The following RIN2 variants were observed in gnomAD, a reference collection of about 807,000 sequenced individuals.
RIN2 encodes the protein Ras and Rab interactor 2.
A neutral mutation model predicts 78.0 loss-of-function variants in RIN2; 36 were observed. That is an observed-to-expected ratio of 0.46 (90% CI 0.35 to 0.61). The LOEUF is 0.61. Among genes scored for constraint, RIN2 ranks in the 20% least tolerant of loss-of-function variants. The pLI, the probability that RIN2 is intolerant of heterozygous loss-of-function variation, is 0.00. For synonymous variants in RIN2, 466 were observed against 466.8 expected (o/e 1.00, Z 0.02); for missense variants, 1,087 against 1,159.7 (o/e 0.94, Z 0.91).
intron 3 of RIN2, among the ~76,000 whole-genome samples, chr20:19,906,626 G>A (rs977992733): frequency 1.3e-5 from 2 of 152,098 alleles, no homozygotes; most frequent in Admixed American, 1.3e-4. Context: ...TGGGGTCTGC[G>A]GCCATCTGGA....
At chr20:19,793,193 A>T (rs1010806833) in intron 1 of RIN2, among the ~76,000 whole-genome samples, 1 of 152,228 alleles carries the variant, frequency 6.6e-6, no homozygotes, top group Non-Finnish European at 1.5e-5. Context: ...TAATTTTAAT[A>T]AGATATCGTA....
At chr20:19,872,303 TG>T (rs1165280275) in intron 2 of RIN2, 1 of 152,198 alleles carries the variant, frequency 6.6e-6, no homozygotes, top group Non-Finnish European at 1.5e-5. Context: ...CAGGAAGTTC[TG>T]TATAATAGTG....
chr20:19,961,637 A>G (rs991284363), intron 6 of RIN2, among the ~76,000 whole-genome samples: 59 of 149,802 alleles, frequency 3.9e-4, no homozygotes, highest in African/African-American at 1.3e-3. Flanking sequence ...ATGAAGGTCA[A>G]TTTCAGGGCC....
intron 3 of RIN2, among the ~76,000 whole-genome samples, chr20:19,930,103 G>A (rs1441042478): frequency 6.6e-6 from 1 of 151,976 alleles, no homozygotes; most frequent in East Asian, 1.9e-4. Context: ...GGGGCTGGGG[G>A]GGATGCGAGG....
intron 3 of RIN2, among the ~76,000 whole-genome samples, chr20:19,914,016 G>A (rs1402092515): frequency 6.6e-6 from 1 of 152,210 alleles, no homozygotes; most frequent in African/African-American, 2.4e-5. Flanking sequence ...GTGATGGGGT[G>A]CGTGTGAAGT....
chr20:19,778,650 C>A (rs2034394649), intron 1 of RIN2, among the ~76,000 whole-genome samples: 1 of 152,204 alleles, frequency 6.6e-6, no homozygotes, highest in Non-Finnish European at 1.5e-5. Flanking sequence ...TAGCTTGGAG[C>A]AGACGCTGGG....
chr20:19,885,043 T>C (rs1169010997), intron 2 of RIN2, among the ~76,000 whole-genome samples: 1 of 152,310 alleles, frequency 6.6e-6, no homozygotes, highest in East Asian at 1.9e-4. Context: ...AAAGAAAAAC[T>C]GAAGGTTGTG....
At chr20:19,875,912 C>T (rs994397427) in intron 2 of RIN2, among the ~76,000 whole-genome samples, 4 of 152,168 alleles carry the variant, frequency 2.6e-5, no homozygotes, top group African/African-American at 4.8e-5. Context: ...AGATGAGTGA[C>T]GTTTCAGCCA....
intron 2 of RIN2, among the ~76,000 whole-genome samples, chr20:19,841,211 G>A (rs1331696243): frequency 2.0e-5 from 3 of 151,896 alleles, no homozygotes; most frequent in Non-Finnish European, 4.4e-5. Context: ...GCCTCCCAAG[G>A]ACAGTAAAAT....
intron 3 of RIN2, among the ~76,000 whole-genome samples, chr20:19,894,013 A>G (rs2038605122): frequency 6.6e-6 from 1 of 152,156 alleles, no homozygotes; most frequent in African/African-American, 2.4e-5. Flanking sequence ...TGGAGGTTGC[A>G]CTGAGCCAAG....
chr20:19,888,189 GAC>G (rs950201170), intron 2 of RIN2, among the ~76,000 whole-genome samples: 2 of 152,136 alleles, frequency 1.3e-5, no homozygotes, highest in African/African-American at 4.8e-5. Flanking sequence ...ACGGAGCACT[GAC>G]ACAAAGAGAC....
intron 7 of RIN2, among the ~76,000 whole-genome samples, chr20:19,968,946 C>G (rs1302056104): frequency 6.6e-6 from 1 of 152,040 alleles, no homozygotes; most frequent in African/African-American, 2.4e-5. Context: ...CAAACAGACA[C>G]AAGTGGCCAA....
intron 2 of RIN2, among the ~76,000 whole-genome samples, chr20:19,844,593 GCTTCTTCCTCTTCTTCTTCTTCTTCTT>G (rs1402270361): frequency 3.1e-5 from 2 of 64,066 alleles, no homozygotes; most frequent in African/African-American, 5.1e-5. Context: ...TGCTGCTGCT[GCTTCTTCCTCTTCTTCTTCTTCTTCTT>G]CTTCTTCTTC....
chr20:19,971,049 T>C, intron 8 of RIN2, 120 bp downstream of exon 8: 1 of 722,250 alleles, frequency 1.4e-6, no homozygotes, highest in Non-Finnish European at 2.3e-6. Context: ...TCAGTGAGTT[T>C]GGGCTATCCA....
intron 3 of RIN2, among the ~76,000 whole-genome samples, chr20:19,916,875 T>C (rs1261682983): frequency 1.3e-5 from 2 of 152,128 alleles, no homozygotes; most frequent in East Asian, 3.9e-4. Flanking sequence ...TGGAAACCAC[T>C]TGGGGAGATG....
chr20:19,908,632 A>C (rs2039329153), intron 3 of RIN2, among the ~76,000 whole-genome samples: 1 of 152,240 alleles, frequency 6.6e-6, no homozygotes, highest in South Asian at 2.1e-4. Context: ...AAATTCAAGT[A>C]ACCCCAAAAC....
At chr20:19,893,125 T>C (rs6106151) in intron 3 of RIN2, among the ~76,000 whole-genome samples, 7,603 of 152,266 alleles carry the variant, frequency 0.05, 663 homozygotes, top group African/African-American at 0.17. Flanking sequence ...CCTGAGAATA[T>C]ATAACCTAAT....
At chr20:19,889,075 T>A in intron 2 of RIN2, 1 of 958,468 alleles carries the variant, frequency 1.0e-6, no homozygotes, top group Non-Finnish European at 1.2e-6. Context: ...ATAGAGCAAT[T>A]TCTTCCCAGT....
At chr20:19,819,554 A>G (rs2035869534) in intron 2 of RIN2, among the ~76,000 whole-genome samples, 1 of 152,204 alleles carries the variant, frequency 6.6e-6, no homozygotes, top group South Asian at 2.1e-4. Flanking sequence ...TTGAAATCGT[A>G]TATGTATGAG....
Sources: allele counts gnomAD v4.1 joint callset (sites outside exome capture counted in the v4.1 genomes callset), GRCh38; gene constraint gnomAD v4.1.1; transcripts MANE v1.5; gene names NCBI Gene and HGNC (gene_info 2026-07-23, HGNC 2026-07-21).